The following MST1R variants were observed in gnomAD, a reference collection of about 807,000 sequenced individuals.
MST1R encodes the protein macrophage stimulating 1 receptor.
Under a neutral mutation model 117.8 loss-of-function variants are expected in MST1R, and 99 were observed. That is an observed-to-expected ratio of 0.84 (90% CI 0.71 to 0.99). The LOEUF (loss-of-function observed/expected upper bound fraction) is 0.99. Ranked by LOEUF, MST1R falls within the 50% of genes least tolerant of loss-of-function variation. The probability of loss-of-function intolerance (pLI) is 0.00; values close to 1 mark genes in which losing one functional copy is unlikely to be tolerated. For synonymous variants in MST1R, 734 were observed against 765.3 expected (o/e 0.96, Z 0.68); for missense variants, 1,683 against 1,840.2 (o/e 0.91, Z 1.56).
In MST1R at chr3:49,895,362, T is replaced by C. The variant is rs2082431872; in HGVS notation, c.3076A>G (p.Ile1026Val). ...DYRSGLALPA[I>V]DGLDSTTCVH... ...CAAGTGGTGGAATCCAGACCATCAA[T>C]GGCAGGGAGTGCTGTGGGGAGAGGG... The change falls in exon 14 of 20, where the codon ATT (isoleucine) becomes GTT (valine). Residue 1026 changes from isoleucine to valine, a missense_variant. Ile to Val is a conservative substitution (Grantham distance 29). Coordinates refer to ENST00000296474, the MANE Select transcript of MST1R (RefSeq NM_002447.4). The C allele has an allele frequency of 1.2e-6, 2 of 1,614,076 alleles. No homozygotes were observed. The highest frequency in any genetic ancestry group is 1.7e-5 in the Admixed American group (1 of 59,992).
Position 49,902,691 on chromosome 3 carries a change from T to G in MST1R, c.919A>C (p.Arg307=). 6.2e-7 allele frequency: 1 copy of G among 1,613,500 alleles called. No individual in the cohort carries two copies. The highest frequency in any genetic ancestry group is 8.5e-7 in the Non-Finnish European group (1 of 1,180,032). ...CCGCCTTCTGGGGCCCCCCGGCGCC[T>G]GCGTTTTGGAGCAAATCTGCAGTCG... is the stretch of plus-strand genomic sequence containing the variant. The part of the protein sequence containing the change: ...VLDCRFAPKR[R]RRGAPEGGQP... The change falls in exon 1 of 20, where the codon AGG becomes CGG. Residue 307 remains arginine, a synonymous_variant. Transcript: ENST00000296474.
At chr3:49,902,282 C>CA in intron 1 of MST1R, 98 bp downstream of exon 1, 1 of 1,474,926 alleles carries the variant, frequency 6.8e-7, no homozygotes. Context: ...CCTGCCCCCC[C>CA]ACCGCGCCCC....
intron 19 of MST1R, among the ~76,000 whole-genome samples, chr3:49,888,914 G>A (rs2082236390): frequency 1.3e-5 from 2 of 152,220 alleles, no homozygotes; most frequent in African/African-American, 4.8e-5. Flanking sequence ...CTTTCCCAGT[G>A]GCTAGGAGTG....
intron 1 of MST1R, 26 bp downstream of exon 1, chr3:49,902,354 A>G (rs1424432100): frequency 5.6e-6 from 9 of 1,604,170 alleles, no homozygotes; most frequent in Non-Finnish European, 7.7e-6. Flanking sequence ...GCAGCTCACA[A>G]GTAAGGGCCC....
At chr3:49,898,446 C>A in intron 4 of MST1R, 72 bp downstream of exon 4, 1 of 1,560,764 alleles carries the variant, frequency 6.4e-7, no homozygotes, top group Non-Finnish European at 8.7e-7. Flanking sequence ...AAATTGTGAT[C>A]AAGACTTGCT....
intron 19 of MST1R, among the ~76,000 whole-genome samples, chr3:49,889,268 A>C (rs1355654988): frequency 3.3e-5 from 5 of 152,244 alleles, no homozygotes; most frequent in African/African-American, 4.8e-5. Flanking sequence ...AGTGAATTAA[A>C]GAAGTGAATA....
rs756666634 is a variant in MST1R at position 49,903,094 on chromosome 3, A to G, written c.516T>C (p.Asp172=). 6.2e-7 allele frequency: 1 copy of G among 1,606,544 alleles called. No individual in the cohort carries two copies. Among genetic ancestry groups the G allele is most frequent in the South Asian group, 1.1e-5 (1 of 91,090 alleles). ...GGCTGGCCACACAGTCGGGGCAGTC[A>G]TCGGGCCGGTTATGGTGGGCTGAGA... ...CLFSAHHNRP[D]DCPDCVASPL... The change falls in exon 1 of 20, where the codon GAT becomes GAC. Residue 172 remains aspartate (D), a synonymous_variant. Transcript: ENST00000296474.
At chr3:49,890,782 G>C in intron 17 of MST1R, 132 bp from the exon 18 acceptor site, 2 of 865,642 alleles carry the variant, frequency 2.3e-6, no homozygotes. Flanking sequence ...CTGGAGTGCA[G>C]TGGCGCGATC....
Position 49,890,066 on chromosome 3 carries a change from G to A in MST1R, c.3811-6C>T. On this transcript the variant is annotated splice_polypyrimidine_tract_variant and splice_region_variant and intron_variant, in intron 18 of 19. Coordinates refer to ENST00000296474, the MANE Select transcript of MST1R (RefSeq NM_002447.4). ...AGCAGCACACCAAATGACCACTGTG[G>A]AAAGGGGGAGGTGAGGGGACTCAAC... The A allele has an allele frequency of 6.3e-7, 1 of 1,594,392 alleles. No homozygotes were observed. Among genetic ancestry groups the A allele is most frequent in the Non-Finnish European group, 8.5e-7 (1 of 1,170,018 alleles).
Position 49,894,507 on chromosome 3 carries a change from G to A in MST1R, c.3271+660C>T, listed in dbSNP as rs1276399509. ...ACCTGAGGCTGGGGAGGTCGAGGCT[G>A]CAGTGAGCCATGATTGTGCCATTGC... On this transcript the variant is annotated intron_variant, in intron 14 of 19. Coordinates refer to ENST00000296474, the MANE Select transcript of MST1R (RefSeq NM_002447.4). Among the ~76,000 whole-genome samples, 5 of 152,180 alleles carry A rather than the reference G, an allele frequency of 3.3e-5. No individual in the cohort carries two copies. In the Middle Eastern group the frequency reaches 0.01, roughly 311 times the overall value.
In MST1R at chr3:49,890,477, G is replaced by A. The variant is rs1559466851; in HGVS notation, c.3810+8C>T. ...GCCATGTGGACTGTAGGGCAGGTGG[G>A]GCCTCACCACATCAGACTTGGTGGT... On this transcript the variant is annotated splice_region_variant and intron_variant, in intron 18 of 19. Transcript: ENST00000296474. 1.2e-6 allele frequency: 2 copies of A among 1,609,352 alleles called. No homozygotes were observed. Among genetic ancestry groups the A allele is most frequent in the East Asian group, 2.2e-5 (1 of 44,780 alleles).
Position 49,903,601 on chromosome 3 carries a change from G to A in MST1R, c.9C>T (p.Leu3=). The stretch of plus-strand genomic sequence containing the variant: ...GGAAGGACTGAGGCAGCGGCGGGAG[G>A]AGCTCCATCGAGGCGAGCTGGGACC... ME[L]LPPLPQSFLL... Residue 3 remains leucine (L), a synonymous_variant, in exon 1 of 20, where the codon CTC becomes CTT. Transcript: ENST00000296474. 6 of 1,559,374 alleles carry A rather than the reference G, an allele frequency of 3.8e-6. No homozygotes were observed. Among genetic ancestry groups the A allele is most frequent in the South Asian group, 1.2e-5 (1 of 82,492 alleles).
chr3:49,903,066 A>G lies in MST1R; in HGVS notation c.544T>C (p.Leu182=), dbSNP rs13318943. ...TCAACCACAGTTACACGGGTGCCCA[A>G]TGGGCTGGCCACACAGTCGGGGCAG... The part of the protein sequence containing the change: ...DDCPDCVASP[L]GTRVTVVEQG... Residue 182 remains leucine (L), a synonymous_variant, in exon 1 of 20, where the codon TTG becomes CTG. Transcript: ENST00000296474. The G allele has an allele frequency of 6.7e-4, 1,075 of 1,609,854 alleles. 5 individuals are homozygous for G. In the African/African-American group the frequency reaches 0.012, roughly 18 times the overall value.
Position 49,891,207 on chromosome 3 carries a change from G to C in MST1R, c.3634C>G (p.Arg1212Gly). Residue 1212 changes from arginine to glycine, a missense_variant, in exon 17 of 20, where the codon CGG becomes GGG. Arg to Gly is a moderately radical substitution (Grantham distance 125). Coordinates refer to ENST00000296474, the MANE Select transcript of MST1R (RefSeq NM_002447.4). ...QKFVHRDLAA[R>G]NCMLDESFTV... ...ACTCTGGACTCTCACATGCAGTTCC[G>C]CGCAGCCAGGTCCCTGTGCACAAAC... 1 of 1,613,812 alleles carries C rather than the reference G, an allele frequency of 6.2e-7. No homozygotes were observed. Among genetic ancestry groups the C allele is most frequent in the Non-Finnish European group, 8.5e-7 (1 of 1,179,988 alleles).
intron 18 of MST1R, among the ~76,000 whole-genome samples, 156 bp from the exon 19 acceptor site, chr3:49,890,216 C>T (rs1332226961): frequency 6.6e-6 from 1 of 152,232 alleles, no homozygotes; most frequent in Non-Finnish European, 1.5e-5. Flanking sequence ...TGTGTCTTTC[C>T]TCTGTCTCCT....
chr3:49,902,281 C>T (rs548016723), intron 1 of MST1R, 99 bp downstream of exon 1: 3 of 1,471,752 alleles, frequency 2.0e-6, no homozygotes, highest in East Asian at 2.3e-5. Context: ...GCCTGCCCCC[C>T]CACCGCGCCC....
rs2082424746 is a variant in MST1R, at chr3:49,895,187, C to T, written c.3251G>A (p.Ser1084Asn). ...CACACCTTTGCCAATGACTCGGTCA[C>T]TGTGGGTGACCACCCGCTCATGGGG... ...LIPHERVVTH[S>N]DRVIGKGHFG... The change falls in exon 14 of 20, where the codon AGT (serine) becomes AAT (asparagine). Residue 1084 changes from serine to asparagine, a missense_variant. Transcript: ENST00000296474. 1 of 1,614,134 alleles carries T rather than the reference C, an allele frequency of 6.2e-7. No individual in the cohort carries two copies. Among genetic ancestry groups the T allele is most frequent in the African/African-American group, 1.3e-5 (1 of 75,052 alleles).
intron 19 of MST1R, 141 bp from the exon 20 acceptor site, chr3:49,887,703 G>A (rs2082204236): frequency 4.5e-6 from 4 of 890,348 alleles, no homozygotes; most frequent in East Asian, 2.5e-5. Context: ...CCCAATCAGG[G>A]GCAGCTCTTC....
intron 14 of MST1R, among the ~76,000 whole-genome samples, chr3:49,892,779 C>T (rs2082352435): frequency 6.6e-6 from 1 of 151,058 alleles, no homozygotes; most frequent in Admixed American, 6.6e-5. Context: ...CATGATGAAA[C>T]CCCGTCTCTA....
Sources: gnomAD v4.1 joint callset for allele counts (sites outside exome capture counted in the v4.1 genomes callset) on GRCh38, gnomAD v4.1.1 for gene constraint, MANE v1.5 for transcripts, NCBI Gene and HGNC (gene_info 2026-07-23, HGNC 2026-07-21) for gene names.